Variants in ANGPT1 observed in about 807,000 individuals in gnomAD.
The protein encoded by ANGPT1 is angiopoietin-1.
In ANGPT1, 17 loss-of-function variants were observed where a neutral mutation model predicts 62.2. That is an observed-to-expected ratio of 0.27 (90% CI 0.19 to 0.41). The LOEUF is 0.41. Ranked by LOEUF, ANGPT1 falls within the 10% of genes least tolerant of loss-of-function variation. The pLI is 1.00. For synonymous variants in ANGPT1, 199 were observed against 198.9 expected (o/e 1.00, Z 0.00); for missense variants, 478 against 594.9 (o/e 0.80, Z 2.04).
At chr8:107,279,963 G>A (rs1813962084) in intron 7 of ANGPT1, among the ~76,000 whole-genome samples, 1 of 151,822 alleles carries the variant, frequency 6.6e-6, no homozygotes, top group South Asian at 2.1e-4. Context: ...TGAGAAGGGA[G>A]AGGTCCCAGG....
At chr8:107,476,440 T>TG (rs910727394) in intron 1 of ANGPT1, among the ~76,000 whole-genome samples, 4 of 151,114 alleles carry the variant, frequency 2.6e-5, no homozygotes, top group Admixed American at 6.6e-5. Flanking sequence ...TGTCATGGGG[T>TG]GGGGGGGAGC....
Position 107,304,513 on chromosome 8 carries a change from A to G in ANGPT1, c.809-1146T>C, listed in dbSNP as rs183152670. ...TAAAAATAACAAAGGCAAACTATGAATCAGAACTTTTACATTAATTTTAAA... is the reference window on the plus strand; with the variant it reads ...TAAAAATAACAAAGGCAAACTATGAGTCAGAACTTTTACATTAATTTTAAA... On this transcript the variant is annotated intron_variant, in intron 4 of 8. Coordinates refer to ENST00000517746, the MANE Select transcript of ANGPT1 (RefSeq NM_001146.5). Among the ~76,000 whole-genome samples the G allele has an allele frequency of 1.4e-3, 210 of 151,910 alleles. 2 individuals carry two copies. The highest frequency in any genetic ancestry group is 2.2e-3 in the Non-Finnish European group (151 of 67,790).
intron 7 of ANGPT1, among the ~76,000 whole-genome samples, chr8:107,278,700 T>C (rs1394300364): frequency 6.6e-6 from 1 of 152,186 alleles, no homozygotes; most frequent in Middle Eastern, 3.2e-3. Context: ...CTACATTGTG[T>C]ATTTCTTCAC....
At chr8:107,282,458 G>A (rs540326970) in intron 7 of ANGPT1, among the ~76,000 whole-genome samples, 59 of 143,766 alleles carry the variant, frequency 4.1e-4, no homozygotes, top group African/African-American at 7.4e-4. Flanking sequence ...GTGTGTGTGC[G>A]TGTGTACACA....
chr8:107,490,578 G>A (rs1213385115), intron 1 of ANGPT1, among the ~76,000 whole-genome samples: 1 of 152,152 alleles, frequency 6.6e-6, no homozygotes, highest in East Asian at 1.9e-4. Context: ...CCTGGAGGGC[G>A]ATCTTTTTCC....
chr8:107,448,676 G>C (rs1160579503), intron 1 of ANGPT1, among the ~76,000 whole-genome samples: 1 of 151,976 alleles, frequency 6.6e-6, no homozygotes, highest in Admixed American at 6.6e-5. Context: ...GGTATGGCTA[G>C]GTCAAAAGGA....
intron 4 of ANGPT1, among the ~76,000 whole-genome samples, chr8:107,319,794 C>A (rs1472711721): frequency 6.6e-6 from 1 of 152,002 alleles, no homozygotes; most frequent in Non-Finnish European, 1.5e-5. Flanking sequence ...CCACTTTCCA[C>A]TTTTGTGTCT....
At chr8:107,255,244 G>T (rs936346695) in intron 8 of ANGPT1, among the ~76,000 whole-genome samples, 2 of 152,078 alleles carry the variant, frequency 1.3e-5, no homozygotes, top group African/African-American at 4.8e-5. Context: ...AGCTGCTCTG[G>T]GTCCTGAAAG....
At chr8:107,317,239 C>T (rs538649806) in intron 4 of ANGPT1, among the ~76,000 whole-genome samples, 6 of 152,194 alleles carry the variant, frequency 3.9e-5, no homozygotes, top group Non-Finnish European at 7.4e-5. Context: ...TACATCTTTT[C>T]TTCTTCCCAG....
intron 1 of ANGPT1, among the ~76,000 whole-genome samples, chr8:107,484,264 A>G (rs1311834281): frequency 1.3e-5 from 2 of 152,178 alleles, no homozygotes; most frequent in Non-Finnish European, 2.9e-5. Context: ...CTTAAAAATC[A>G]TTTGACTTTA....
intron 1 of ANGPT1, among the ~76,000 whole-genome samples, chr8:107,437,175 T>C (rs1811356720): frequency 1.3e-5 from 2 of 152,208 alleles, no homozygotes; most frequent in Admixed American, 1.3e-4. Context: ...ATATTTTTGG[T>C]TGTCATTTTA....
chr8:107,466,947 C>T (rs1282445888), intron 1 of ANGPT1, among the ~76,000 whole-genome samples: 1 of 151,898 alleles, frequency 6.6e-6, no homozygotes, highest in Non-Finnish European at 1.5e-5. Context: ...AATTCAATCC[C>T]TTACTCTCCT....
chr8:107,419,745 A>G (rs184505323), intron 1 of ANGPT1, among the ~76,000 whole-genome samples: 15 of 152,262 alleles, frequency 9.9e-5, no homozygotes, highest in African/African-American at 2.9e-4. Context: ...AATCGACCCA[A>G]CAGGACAAAC....
chr8:107,289,253 C>T (rs1814215960), intron 6 of ANGPT1, among the ~76,000 whole-genome samples: 1 of 152,120 alleles, frequency 6.6e-6, no homozygotes, highest in Admixed American at 6.6e-5. Flanking sequence ...TACTCAAAAA[C>T]ACATGCAAAG....
intron 1 of ANGPT1, among the ~76,000 whole-genome samples, chr8:107,437,335 T>C (rs925321594): frequency 5.3e-5 from 8 of 152,186 alleles, no homozygotes; most frequent in Non-Finnish European, 1.2e-4. Flanking sequence ...CAAAAATCCG[T>C]AGGTCTAGCC....
intron 1 of ANGPT1, among the ~76,000 whole-genome samples, chr8:107,419,590 C>G (rs1458381090): frequency 6.6e-6 from 1 of 152,052 alleles, no homozygotes; most frequent in East Asian, 1.9e-4. Context: ...TTAAATAAAG[C>G]TTATTAAGTA....
intron 1 of ANGPT1, among the ~76,000 whole-genome samples, chr8:107,378,328 A>G (rs1434383681): frequency 6.6e-6 from 1 of 152,228 alleles, no homozygotes; most frequent in Non-Finnish European, 1.5e-5. Context: ...GTAGTGAGAA[A>G]GGTGCATTTA....
chr8:107,300,041 C>CTATATATATAGTTATA (rs1554580301), intron 5 of ANGPT1, among the ~76,000 whole-genome samples: 35 of 138,688 alleles, frequency 2.5e-4, no homozygotes, highest in Non-Finnish European at 4.8e-4. Flanking sequence ...CTAGATATAA[C>CTATATATATAGTTATA]TATATATATA....
intron 1 of ANGPT1, among the ~76,000 whole-genome samples, chr8:107,439,133 T>C (rs1036031016): frequency 1.3e-5 from 2 of 152,188 alleles, no homozygotes; most frequent in African/African-American, 4.8e-5. Context: ...CTCAGACTTA[T>C]AGGAAATCAC....
Sources: allele counts gnomAD v4.1 joint callset (sites outside exome capture counted in the v4.1 genomes callset), GRCh38; gene constraint gnomAD v4.1.1; transcripts MANE v1.5; gene names NCBI Gene and HGNC (gene_info 2026-07-23, HGNC 2026-07-21).